TTC28: variants seen among roughly 807,000 people sequenced by gnomAD.
TTC28 encodes tetratricopeptide repeat domain 28, also known as tetratricopeptide repeat protein 28.
Under a neutral mutation model 198.0 loss-of-function variants are expected in TTC28, and 61 were observed. The ratio of observed to expected loss-of-function variants is 0.31; its 90% CI spans 0.25 to 0.38. TTC28 has a LOEUF of 0.38. TTC28 is among the 10% of genes least tolerant of loss of function. The pLI, the probability that TTC28 is intolerant of heterozygous loss-of-function variation, is 1.00. For synonymous variants in TTC28, 1,171 were observed against 1,297.8 expected (o/e 0.90, Z 2.10); for missense variants, 2,678 against 3,164.0 (o/e 0.85, Z 3.69).
chr22:28,096,897 T>C (rs1941996252), intron 10 of TTC28, among the ~76,000 whole-genome samples: 1 of 151,782 alleles, frequency 6.6e-6, no homozygotes, highest in Non-Finnish European at 1.5e-5. Flanking sequence ...CTCCGCCCCC[T>C]GGGTTCAAGC....
At chr22:28,146,326 A>C (rs971902799) in intron 6 of TTC28, among the ~76,000 whole-genome samples, 2 of 152,238 alleles carry the variant, frequency 1.3e-5, no homozygotes, top group Non-Finnish European at 2.9e-5. Flanking sequence ...GAAAACGCTT[A>C]GTAAAGGATT....
rs533911275 is a variant in TTC28, at chr22:28,202,322, A to C, written c.934-38723T>G. Among the ~76,000 whole-genome samples the C allele has an allele frequency of 3.3e-5, 5 of 152,230 alleles. No homozygotes were observed. In the East Asian group the frequency reaches 9.7e-4, roughly 29 times the overall value. On this transcript the variant is annotated intron_variant, in intron 5 of 22. Transcript: ENST00000397906. ...GAGGCCAAGGCAGGAGGATTACTTG[A>C]GGTCAGGAGTTTGAGACCAGCGTGG...
chr22:28,108,776 T>TA (rs1296171850), intron 6 of TTC28, among the ~76,000 whole-genome samples: 7 of 152,216 alleles, frequency 4.6e-5, no homozygotes, highest in African/African-American at 1.7e-4. Context: ...CCCAATTTAC[T>TA]AAAATAGGCG....
Position 28,621,125 on chromosome 22 carries a change from T to C in TTC28, c.381+8427A>G, listed in dbSNP as rs145771049. 5.3e-5 allele frequency among the ~76,000 whole-genome samples: 8 copies of C among 152,352 alleles called. No individual in the cohort carries two copies. In the East Asian group the frequency reaches 1.5e-3, roughly 29 times the overall value. On this transcript the variant is annotated intron_variant, in intron 2 of 22. Transcript: ENST00000397906. The stretch of plus-strand genomic sequence containing the variant: ...CTTACAAAAGTGTCTTCAACATTAT[T>C]GAGCTTATGTTGAGAAATAAAGTTT...
chr22:28,137,796 C>A lies in TTC28; in HGVS notation c.1441+25296G>T, dbSNP rs1239050336. On this transcript the variant is annotated intron_variant, in intron 6 of 22. Coordinates refer to ENST00000397906, the MANE Select transcript of TTC28 (RefSeq NM_001145418.2). ...TTGGGAGGCCAAGGCAGGTGGATCA[C>A]CTGAGCTCAGGAGTTCAAGACCAGC... is the stretch of plus-strand genomic sequence containing the variant. Among the ~76,000 whole-genome samples, 6 of 152,272 alleles carry A rather than the reference C, an allele frequency of 3.9e-5. No homozygotes were observed. In the East Asian group the frequency reaches 1.2e-3, roughly 29 times the overall value.
chr22:28,120,048 T>C (rs1942743223), intron 6 of TTC28, among the ~76,000 whole-genome samples: 1 of 152,194 alleles, frequency 6.6e-6, no homozygotes, highest in Non-Finnish European at 1.5e-5. Context: ...CAATGATTAT[T>C]AATAAGGGAG....
chr22:28,578,169 A>G (rs1412067633), intron 2 of TTC28, among the ~76,000 whole-genome samples: 1 of 152,132 alleles, frequency 6.6e-6, no homozygotes, highest in Non-Finnish European at 1.5e-5. Context: ...AGGCTTGCAA[A>G]TAATATCTTA....
intron 1 of TTC28, among the ~76,000 whole-genome samples, chr22:28,654,982 T>C (rs1252716160): frequency 1.3e-5 from 2 of 152,234 alleles, no homozygotes; most frequent in Non-Finnish European, 2.9e-5. Context: ...CTATATTCTT[T>C]AGCTTTTTAG....
chr22:28,447,649 C>G (rs539879841), intron 2 of TTC28, among the ~76,000 whole-genome samples: 6 of 152,150 alleles, frequency 3.9e-5, no homozygotes, highest in Non-Finnish European at 8.8e-5. Context: ...CGGTCTTAGG[C>G]TCAGATGTTG....
intron 5 of TTC28, among the ~76,000 whole-genome samples, chr22:28,266,142 T>C (rs1442222798): frequency 6.7e-6 from 1 of 148,802 alleles, no homozygotes; most frequent in African/African-American, 2.5e-5. Context: ...ATCACACCAC[T>C]ACACTCCAGC....
In TTC28 at chr22:28,208,450, C is replaced by A. The variant is rs563401928; in HGVS notation, c.934-44851G>T. ...ACCACTCCAGAAGAATCAAGAGAAC[C>A]AGGTTCAAGCCCCAGCTCTAAGTCT... On this transcript the variant is annotated intron_variant, in intron 5 of 22. Transcript: ENST00000397906. 3.3e-5 allele frequency among the ~76,000 whole-genome samples: 5 copies of A among 152,200 alleles called. No homozygotes were observed. In the East Asian group the frequency reaches 7.8e-4, roughly 24 times the overall value.
At chr22:28,003,957 G>A (rs1937820253) in intron 14 of TTC28, among the ~76,000 whole-genome samples, 1 of 152,218 alleles carries the variant, frequency 6.6e-6, no homozygotes, top group South Asian at 2.1e-4. Flanking sequence ...CCGTAGGGAA[G>A]TCAGATAAAT....
intron 2 of TTC28, among the ~76,000 whole-genome samples, chr22:28,466,122 G>T (rs146688219): frequency 6.6e-6 from 1 of 152,142 alleles, no homozygotes; most frequent in African/African-American, 2.4e-5. Flanking sequence ...ATTATTGGGG[G>T]AACAGCTAGC....
intron 5 of TTC28, among the ~76,000 whole-genome samples, chr22:28,176,799 G>C (rs1404173303): frequency 1.3e-5 from 2 of 152,142 alleles, no homozygotes; most frequent in Non-Finnish European, 2.9e-5. Context: ...TAGTTACATG[G>C]AGAAAGGATA....
intron 6 of TTC28, among the ~76,000 whole-genome samples, chr22:28,161,723 GAGGACAGGAC>G (rs558079633): frequency 2.1e-4 from 30 of 144,214 alleles, no homozygotes; most frequent in African/African-American, 3.0e-4. Context: ...GGAAAGGAAA[GAGGACAGGAC>G]AGGACAGGAC....
At chr22:28,053,928 A>G (rs1272324269) in intron 12 of TTC28, among the ~76,000 whole-genome samples, 1 of 152,208 alleles carries the variant, frequency 6.6e-6, no homozygotes, top group Non-Finnish European at 1.5e-5. Flanking sequence ...AAGGTTTTTA[A>G]GAACACATTA....
chr22:28,192,794 A>C (rs2147132259), intron 5 of TTC28, among the ~76,000 whole-genome samples: 1 of 152,330 alleles, frequency 6.6e-6, no homozygotes, highest in South Asian at 2.1e-4. Context: ...GACTATGAGA[A>C]AAGACCAAAT....
intron 14 of TTC28, chr22:28,002,210 A>G (rs1375212546): frequency 2.0e-5 from 3 of 153,094 alleles, no homozygotes; most frequent in Non-Finnish European, 4.4e-5. Flanking sequence ...ATTCCTGTTC[A>G]TTGCAGAACA....
chr22:28,584,020 T>TGTTTTG (rs771450448), intron 2 of TTC28, among the ~76,000 whole-genome samples: 1 of 142,076 alleles, frequency 7.0e-6, no homozygotes, highest in African/African-American at 2.8e-5. Flanking sequence ...TGTTTTGTTT[T>TGTTTTG]TTTTTTTTTT....
Sources: allele counts gnomAD v4.1 joint callset (sites outside exome capture counted in the v4.1 genomes callset), GRCh38; gene constraint gnomAD v4.1.1; transcripts MANE v1.5; gene names NCBI Gene and HGNC (gene_info 2026-07-23, HGNC 2026-07-21).